The following KCNIP4 variants were observed in gnomAD, a reference collection of about 807,000 sequenced individuals.
KCNIP4 encodes potassium voltage-gated channel interacting protein 4, also known as Kv channel-interacting protein 4.
Under a neutral mutation model 34.0 loss-of-function variants are expected in KCNIP4, and 12 were observed. The observed-to-expected ratio is 0.35, with a 90% CI of 0.23 to 0.57. KCNIP4 has a LOEUF of 0.57. Among genes scored for constraint, KCNIP4 ranks in the 20% least tolerant of loss-of-function variants. The pLI, the probability that KCNIP4 is intolerant of heterozygous loss-of-function variation, is 0.83. For synonymous variants in KCNIP4, 124 were observed against 102.2 expected, an observed-to-expected ratio of 1.21 and a Z score of -1.29; for missense variants, 238 against 311.7, an observed-to-expected ratio of 0.76 and a Z score of 1.78.
intron 1 of KCNIP4, among the ~76,000 whole-genome samples, chr4:21,832,931 T>C (rs1334897670): frequency 6.6e-6 from 1 of 150,738 alleles, no homozygotes; most frequent in African/African-American, 2.5e-5. Context: ...CATCATTTTT[T>C]ATGGCTGCAT....
chr4:21,903,398 T>A (rs772112439), intron 1 of KCNIP4, among the ~76,000 whole-genome samples: 1 of 152,156 alleles, frequency 6.6e-6, no homozygotes, highest in African/African-American at 2.4e-5. Flanking sequence ...TTATTAACCA[T>A]ATGGAAAACC....
intron 1 of KCNIP4, among the ~76,000 whole-genome samples, chr4:21,537,117 A>T (rs1309169372): frequency 1.4e-5 from 2 of 144,876 alleles, no homozygotes; most frequent in Non-Finnish European, 3.1e-5. Context: ...CATTCATTCA[A>T]TGAAGAATCA....
At chr4:21,882,680 C>T (rs887574261) in intron 1 of KCNIP4, among the ~76,000 whole-genome samples, 3 of 152,066 alleles carry the variant, frequency 2.0e-5, no homozygotes, top group African/African-American at 4.8e-5. Flanking sequence ...CAAGTGGCTG[C>T]GTCCCTGACC....
chr4:21,909,327 C>G (rs1251875850), intron 1 of KCNIP4, among the ~76,000 whole-genome samples: 7 of 152,184 alleles, frequency 4.6e-5, no homozygotes, highest in African/African-American at 1.7e-4. Flanking sequence ...TTCAGTCAGC[C>G]CAGGCTTCTC....
chr4:21,264,470 C>T (rs1378495983), intron 1 of KCNIP4, among the ~76,000 whole-genome samples: 3 of 152,224 alleles, frequency 2.0e-5, no homozygotes, highest in East Asian at 1.9e-4. Flanking sequence ...GTTTAGACAA[C>T]TCACTGCTGA....
chr4:21,409,802 T>A (rs1178071312), intron 1 of KCNIP4, among the ~76,000 whole-genome samples: 5 of 152,174 alleles, frequency 3.3e-5, no homozygotes, highest in Non-Finnish European at 5.9e-5. Context: ...GGACCATGCA[T>A]GACAGAGATA....
intron 1 of KCNIP4, among the ~76,000 whole-genome samples, chr4:21,501,489 T>C (rs538363682): frequency 6.6e-5 from 10 of 152,136 alleles, no homozygotes; most frequent in African/African-American, 1.9e-4. Flanking sequence ...TGTCGCAAAA[T>C]TTCTTATCAA....
chr4:20,886,845 A>C (rs1050442975), intron 1 of KCNIP4, among the ~76,000 whole-genome samples: 1 of 152,238 alleles, frequency 6.6e-6, no homozygotes, highest in African/African-American at 2.4e-5. Context: ...AAAAGAAGGC[A>C]ACATGACCCA....
chr4:21,212,269 T>A (rs1213632949), intron 1 of KCNIP4, among the ~76,000 whole-genome samples: 1 of 152,226 alleles, frequency 6.6e-6, no homozygotes, highest in Non-Finnish European at 1.5e-5. Context: ...TCTCTGCTTC[T>A]AAGTTGTCTT....
At chr4:21,357,712 T>C (rs1208946028) in intron 1 of KCNIP4, among the ~76,000 whole-genome samples, 3 of 152,078 alleles carry the variant, frequency 2.0e-5, no homozygotes, top group African/African-American at 4.8e-5. Context: ...CACTTTTACA[T>C]TGTTGGTGGG....
chr4:21,496,041 T>G (rs74352712), intron 1 of KCNIP4, among the ~76,000 whole-genome samples: 1,528 of 152,282 alleles, frequency 0.01, 25 homozygotes, highest in African/African-American at 0.034. Flanking sequence ...TGAGAACCAA[T>G]TCTGAGATAA....
chr4:20,864,328 A>C (rs555120503), intron 2 of KCNIP4, among the ~76,000 whole-genome samples: 1 of 150,376 alleles, frequency 6.6e-6, no homozygotes, highest in Non-Finnish European at 1.5e-5. Flanking sequence ...GTTTATATGC[A>C]TATGTATGTA....
chr4:21,309,574 ACTAT>A (rs1712899279), intron 1 of KCNIP4, among the ~76,000 whole-genome samples: 1 of 152,314 alleles, frequency 6.6e-6, no homozygotes, highest in African/African-American at 2.4e-5. Flanking sequence ...TAGAATAATC[ACTAT>A]CTGAGAGACT....
In KCNIP4 at chr4:21,916,073, C is replaced by T. The variant is rs1041391922; in HGVS notation, c.61+32498G>A. Among the ~76,000 whole-genome samples, 3 of 152,178 alleles carry T rather than the reference C, an allele frequency of 2.0e-5. No individual in the cohort carries two copies. The South Asian group carries it at 6.2e-4, about 31-fold the overall frequency. On this transcript the variant is annotated intron_variant, in intron 1 of 8. Transcript: ENST00000382152. Reference sequence around the variant, plus strand: ...TCGCTGTGTCCTTGAAGCCTGCATCCATATGTTTGGGTCAAAATACCTTCT... The same window carrying T: ...TCGCTGTGTCCTTGAAGCCTGCATCTATATGTTTGGGTCAAAATACCTTCT...
At chr4:20,849,733 G>A in intron 3 of KCNIP4, among the ~76,000 whole-genome samples, 1 of 152,186 alleles carries the variant, frequency 6.6e-6, no homozygotes, top group East Asian at 1.9e-4. Context: ...GTTGGGATGT[G>A]TATGCTATTT....
chr4:21,281,711 T>C lies in KCNIP4; in HGVS notation c.62-399002A>G, dbSNP rs555272631. Among the ~76,000 whole-genome samples, 21 of 152,312 alleles carry C rather than the reference T, an allele frequency of 1.4e-4. No homozygotes were observed. In the East Asian group the frequency reaches 4.1e-3, roughly 29 times the overall value. Reference sequence around the variant, plus strand: ...TCATGAGAGTGTTGGGTTTATTTTATTGCATTCCAATTATTTGAAAATTGA... The same window carrying C: ...TCATGAGAGTGTTGGGTTTATTTTACTGCATTCCAATTATTTGAAAATTGA... On this transcript the variant is annotated intron_variant, in intron 1 of 8. Coordinates refer to ENST00000382152, the MANE Select transcript of KCNIP4 (RefSeq NM_025221.6).
intron 1 of KCNIP4, among the ~76,000 whole-genome samples, chr4:21,868,504 A>G (rs1405121853): frequency 6.6e-6 from 1 of 152,168 alleles, no homozygotes; most frequent in African/African-American, 2.4e-5. Flanking sequence ...CCTAACTTCT[A>G]CACCTCTTGG....
chr4:21,245,563 G>A (rs1482966792), intron 1 of KCNIP4, among the ~76,000 whole-genome samples: 2 of 152,206 alleles, frequency 1.3e-5, no homozygotes, highest in African/African-American at 2.4e-5. Flanking sequence ...AAACAAACAC[G>A]TAAAAATCCC....
chr4:20,743,304 A>G (rs996640163), intron 5 of KCNIP4, among the ~76,000 whole-genome samples: 2 of 152,214 alleles, frequency 1.3e-5, no homozygotes, highest in African/African-American at 4.8e-5. Flanking sequence ...CAGAGCCCAC[A>G]TTGCCAAGTC....
Sources: allele counts gnomAD v4.1 joint callset (sites outside exome capture counted in the v4.1 genomes callset), GRCh38; gene constraint gnomAD v4.1.1; transcripts MANE v1.5; gene names NCBI Gene and HGNC (gene_info 2026-07-23, HGNC 2026-07-21).